Variants in NTM observed in about 807,000 individuals in gnomAD.
NTM encodes IgLON family member 2.
Under a neutral mutation model 42.1 loss-of-function variants are expected in NTM, and 13 were observed. The observed-to-expected ratio is 0.31, with a 90% CI of 0.20 to 0.49. The LOEUF is 0.49. Ranked by LOEUF, NTM falls within the 20% of genes least tolerant of loss-of-function variation. The probability of loss-of-function intolerance (pLI) is 0.99; values close to 1 mark genes in which losing one functional copy is unlikely to be tolerated. For synonymous variants in NTM, 187 were observed against 179.2 expected (o/e 1.04, Z -0.35); for missense variants, 373 against 452.8 (o/e 0.82, Z 1.60).
chr11:131,607,150 A>G (rs570704602), intron 1 of NTM, among the ~76,000 whole-genome samples: 523 of 152,326 alleles, frequency 3.4e-3, no homozygotes, highest in Non-Finnish European at 5.9e-3. Context: ...TGTCTGCATC[A>G]CTTGCGACCA....
At chr11:131,562,593 C>A (rs1336814016) in intron 1 of NTM, among the ~76,000 whole-genome samples, 1 of 151,994 alleles carries the variant, frequency 6.6e-6, no homozygotes, top group Non-Finnish European at 1.5e-5. Context: ...GAGATGCAGC[C>A]AGCACACAGG....
rs539970135 is a variant in NTM, at chr11:131,817,866, C to A, written c.83-93698C>A. Among the ~76,000 whole-genome samples the A allele has an allele frequency of 1.1e-4, 17 of 152,384 alleles. No homozygotes were observed. The East Asian group carries it at 3.3e-3, about 29-fold the overall frequency. ...CCATGGTTTACACTGAAAGACTTCT[C>A]ATGGGAGCTGAGAGGCCCTTGGGGC... On this transcript the variant is annotated intron_variant, in intron 1 of 8. Coordinates refer to ENST00000683400, the MANE Select transcript of NTM (RefSeq NM_001352005.2).
At chr11:131,983,774 A>G (rs2065641744) in intron 2 of NTM, among the ~76,000 whole-genome samples, 1 of 152,142 alleles carries the variant, frequency 6.6e-6, no homozygotes, top group Admixed American at 6.5e-5. Flanking sequence ...AATGTTTCTG[A>G]TTGTTGTTGA....
At chr11:131,973,106 A>G (rs537902915) in intron 2 of NTM, among the ~76,000 whole-genome samples, 2 of 152,350 alleles carry the variant, frequency 1.3e-5, no homozygotes, top group Admixed American at 6.5e-5. Flanking sequence ...TTCCCTAAAG[A>G]GTGTTCTCCC....
chr11:131,848,127 G>A (rs1179756276), intron 1 of NTM, among the ~76,000 whole-genome samples: 4 of 152,124 alleles, frequency 2.6e-5, no homozygotes, highest in Admixed American at 2.0e-4. Context: ...ATTTTATTAA[G>A]GGGTTCTAAA....
At chr11:132,171,730 A>G (rs2076146795) in intron 3 of NTM, among the ~76,000 whole-genome samples, 1 of 152,252 alleles carries the variant, frequency 6.6e-6, no homozygotes, top group Non-Finnish European at 1.5e-5. Flanking sequence ...TTAAAAACTC[A>G]TCTGAATTGC....
At chr11:132,027,844 T>A (rs1779885168) in intron 2 of NTM, among the ~76,000 whole-genome samples, 1 of 152,222 alleles carries the variant, frequency 6.6e-6, no homozygotes, top group Non-Finnish European at 1.5e-5. Flanking sequence ...CTTTCTCCCA[T>A]CTACGTCTAG....
At chr11:132,321,806 C>T (rs2095574628) in intron 7 of NTM, among the ~76,000 whole-genome samples, 2 of 149,782 alleles carry the variant, frequency 1.3e-5, no homozygotes, top group South Asian at 4.4e-4. Context: ...CAAAGGGAAG[C>T]CCATCAGACT....
chr11:131,732,841 C>T (rs2246931), intron 1 of NTM, among the ~76,000 whole-genome samples: 45,708 of 151,950 alleles, frequency 0.3, 8,604 homozygotes, highest in African/African-American at 0.53. Flanking sequence ...TACTTTCTCA[C>T]GTGCTTTTGT....
intron 4 of NTM, among the ~76,000 whole-genome samples, chr11:132,226,833 T>G (rs1023984477): frequency 2.0e-5 from 3 of 152,248 alleles, no homozygotes; most frequent in African/African-American, 7.2e-5. Context: ...AGATGAAGTT[T>G]GTGAGAAAGA....
chr11:131,704,105 A>G (rs76687873), intron 1 of NTM, among the ~76,000 whole-genome samples: 5 of 152,144 alleles, frequency 3.3e-5, no homozygotes, highest in African/African-American at 7.2e-5. Context: ...ATATTGACTT[A>G]GGATCCCTGA....
At chr11:131,557,850 G>A (rs1003935803) in intron 1 of NTM, among the ~76,000 whole-genome samples, 1 of 152,140 alleles carries the variant, frequency 6.6e-6, no homozygotes, top group Non-Finnish European at 1.5e-5. Flanking sequence ...AATATCAAAA[G>A]AACTAAGCTC....
chr11:131,459,602 C>G (rs1377843939), intron 1 of NTM, among the ~76,000 whole-genome samples: 1 of 152,176 alleles, frequency 6.6e-6, no homozygotes, highest in East Asian at 1.9e-4. Context: ...TCCTATTAAC[C>G]TAACTCATTT....
intron 1 of NTM, among the ~76,000 whole-genome samples, chr11:131,775,253 T>C (rs1393790819): frequency 6.6e-6 from 1 of 152,242 alleles, no homozygotes; most frequent in Non-Finnish European, 1.5e-5. Context: ...TCATCTGTGC[T>C]TGGTGCCTTT....
intron 1 of NTM, among the ~76,000 whole-genome samples, chr11:131,529,110 C>T (rs2050892444): frequency 6.6e-6 from 1 of 152,302 alleles, no homozygotes; most frequent in Non-Finnish European, 1.5e-5. Flanking sequence ...TTTAGAGAAG[C>T]TGTCATGCAG....
At chr11:131,538,713 T>C (rs541155715) in intron 1 of NTM, 1 of 152,326 alleles carries the variant, frequency 6.6e-6, no homozygotes, top group East Asian at 1.9e-4. Context: ...AGGAACACAC[T>C]AGTTGTTTGT....
chr11:131,898,331 T>C (rs73027564), intron 1 of NTM, among the ~76,000 whole-genome samples: 520 of 152,340 alleles, frequency 3.4e-3, no homozygotes, highest in Non-Finnish European at 5.6e-3. Context: ...TGGAAAAACA[T>C]TGAGACGCAC....
At chr11:132,074,150 C>G (rs1048106826) in intron 2 of NTM, among the ~76,000 whole-genome samples, 1 of 152,168 alleles carries the variant, frequency 6.6e-6, no homozygotes, top group Non-Finnish European at 1.5e-5. Context: ...TTCTCAGATG[C>G]CTTTCTGTGT....
At chr11:131,896,318 A>G (rs2052261592) in intron 1 of NTM, among the ~76,000 whole-genome samples, 6 of 152,222 alleles carry the variant, frequency 3.9e-5, no homozygotes, top group Admixed American at 3.9e-4. Context: ...CTGAAGGAGA[A>G]ATAAATAGAA....
Sources: allele counts gnomAD v4.1 joint callset (sites outside exome capture counted in the v4.1 genomes callset), GRCh38; gene constraint gnomAD v4.1.1; transcripts MANE v1.5; gene names NCBI Gene and HGNC (gene_info 2026-07-23, HGNC 2026-07-21).